The following AFAP1 variants were observed in gnomAD, a reference collection of about 807,000 sequenced individuals.
The protein encoded by AFAP1 is actin filament-associated protein 1.
AFAP1 carries 75 observed loss-of-function variants against 93.9 expected under a neutral mutation model. The ratio of observed to expected loss-of-function variants is 0.80; its 90% CI spans 0.66 to 0.97. AFAP1 has a LOEUF of 0.97. Ranked by LOEUF, AFAP1 falls within the 50% of genes least tolerant of loss-of-function variation. The probability of loss-of-function intolerance (pLI) is 0.00; values close to 1 mark genes in which losing one functional copy is unlikely to be tolerated. For synonymous variants in AFAP1, 517 were observed against 430.7 expected (o/e 1.20, Z -2.48); for missense variants, 1,201 against 1,050.8 (o/e 1.14, Z -1.98).
intron 5 of AFAP1, among the ~76,000 whole-genome samples, chr4:7,841,269 A>C (rs1370429015): frequency 6.6e-6 from 1 of 151,344 alleles, no homozygotes; most frequent in African/African-American, 2.4e-5. Context: ...GCCCCATCAC[A>C]GCTGCCCAGT....
At chr4:7,798,280 CTGGCTGGCTCACGGCATTGCAACCCTAT>C (rs1329831570) in intron 10 of AFAP1, among the ~76,000 whole-genome samples, 5 of 99,900 alleles carry the variant, frequency 5.0e-5, no homozygotes, top group South Asian at 4.1e-4. Context: ...TGCAACTCTA[CTGGCTGGCTCACGGCATTGCAACCCTAT>C]TGGCTGGCTC....
intron 1 of AFAP1, among the ~76,000 whole-genome samples, chr4:7,914,686 G>GT (rs1719973223): frequency 6.6e-6 from 1 of 152,122 alleles, no homozygotes; most frequent in Non-Finnish European, 1.5e-5. Flanking sequence ...TCACACTGTG[G>GT]TTTTATTTGT....
intron 17 of AFAP1, among the ~76,000 whole-genome samples, chr4:7,768,394 C>T (rs1425880497): frequency 1.3e-5 from 2 of 152,196 alleles, no homozygotes; most frequent in East Asian, 1.9e-4. Flanking sequence ...CCTCAGAGCC[C>T]GATTCATGCA....
intron 1 of AFAP1, among the ~76,000 whole-genome samples, chr4:7,881,574 G>C (rs1214391867): frequency 6.6e-6 from 1 of 152,152 alleles, no homozygotes; most frequent in Non-Finnish European, 1.5e-5. Flanking sequence ...CCTGAGGTCA[G>C]GAGTTCGAGA....
chr4:7,868,637 G>C lies in AFAP1; in HGVS notation c.210C>G (p.Ile70Met), dbSNP rs760927065. 1 of 1,612,356 alleles carries C rather than the reference G, an allele frequency of 6.2e-7. No individual in the cohort carries two copies. Among genetic ancestry groups the C allele is most frequent in the Non-Finnish European group, 8.5e-7 (1 of 1,179,824 alleles). Residue 70 changes from isoleucine to methionine, a missense_variant, in exon 3 of 18, where the codon ATC becomes ATG. Transcript: ENST00000420658. ...PAPPQMPLPE[I>M]PQPWLPPDSG... Reference sequence around the variant, plus strand: ...CTTGACTCACCAGCCAGGGCTGAGGGATCTCCGGCAGGGGCATCTGAGGAG... The same window carrying C: ...CTTGACTCACCAGCCAGGGCTGAGGCATCTCCGGCAGGGGCATCTGAGGAG...
intron 1 of AFAP1, among the ~76,000 whole-genome samples, chr4:7,923,195 G>T (rs1720530486): frequency 6.6e-6 from 1 of 152,144 alleles, no homozygotes; most frequent in African/African-American, 2.4e-5. Context: ...TTATATAAAG[G>T]AATGGACTAC....
chr4:7,883,185 CA>C (rs34238719), intron 1 of AFAP1, among the ~76,000 whole-genome samples: 494 of 49,976 alleles, frequency 9.9e-3, no homozygotes, highest in African/African-American at 0.017. Flanking sequence ...AACCCTATCT[CA>C]AAAAAAAAAA....
intron 3 of AFAP1, among the ~76,000 whole-genome samples, chr4:7,858,669 C>A (rs1715344420): frequency 6.6e-6 from 1 of 152,140 alleles, no homozygotes; most frequent in South Asian, 2.1e-4. Context: ...GAGAGTCTGG[C>A]AAAGGGAGGA....
In AFAP1 at chr4:7,759,430, G is replaced by C. The variant is rs1713459284; in HGVS notation, c.*4335C>G. The C allele has an allele frequency of 6.6e-6, 1 of 152,630 alleles. No homozygotes were observed. The highest frequency in any genetic ancestry group is 2.1e-4 in the South Asian group (1 of 4,830). 9.5% of individuals were successfully genotyped at this position (152,630 alleles called of 1,614,324 possible). ...TTTACAGACGCCCTGCTATGGCTTG[G>C]GGACTCACGAATAGAGGTGACTGCT... is the stretch of plus-strand genomic sequence containing the variant. On this transcript the variant is annotated 3_prime_UTR_variant, in exon 18 of 18. Coordinates refer to ENST00000420658, the MANE Select transcript of AFAP1 (RefSeq NM_001134647.2).
intron 10 of AFAP1, 91 bp downstream of exon 10, chr4:7,800,351 A>T: frequency 1.5e-6 from 2 of 1,360,500 alleles, no homozygotes; most frequent in Admixed American, 3.9e-5. Flanking sequence ...AGATGGGAGG[A>T]ATTTTGATAG....
intron 2 of AFAP1, among the ~76,000 whole-genome samples, chr4:7,870,583 G>A (rs561427691): frequency 7.9e-4 from 121 of 152,212 alleles, no homozygotes; most frequent in Non-Finnish European, 1.6e-3. Context: ...CCTGAGCCTG[G>A]GAGGTTAATA....
intron 13 of AFAP1, among the ~76,000 whole-genome samples, chr4:7,779,855 A>AG (rs1194397704): frequency 6.6e-6 from 1 of 152,258 alleles, no homozygotes; most frequent in Admixed American, 6.5e-5. Flanking sequence ...CATTAAAAAC[A>AG]GGTTCCCATT....
chr4:7,801,711 CAT>C (rs1162289332), intron 9 of AFAP1, among the ~76,000 whole-genome samples: 2 of 150,946 alleles, frequency 1.3e-5, no homozygotes, highest in Admixed American at 6.6e-5. Context: ...CACACACACA[CAT>C]ACCCCTGCCT....
chr4:7,763,446 A>C lies in AFAP1; in HGVS notation c.*319T>G. 1 of 317,746 alleles carries C rather than the reference A, an allele frequency of 3.1e-6. No individual in the cohort carries two copies. Among genetic ancestry groups the C allele is most frequent in the Non-Finnish European group, 5.8e-6 (1 of 172,762 alleles). The allele number at this position is 317,746 out of a possible 1,614,324, so 19.7% of individuals were successfully genotyped here. On this transcript the variant is annotated 3_prime_UTR_variant, in exon 18 of 18. Transcript: ENST00000420658. ...ATCCTCAGTCCAGGGCTGGGTTGGA[A>C]TCGGTGAAAGCAATGGCCTATCTGG...
intron 1 of AFAP1, among the ~76,000 whole-genome samples, chr4:7,903,615 G>T (rs1372097442): frequency 4.6e-5 from 7 of 152,330 alleles, no homozygotes; most frequent in Non-Finnish European, 1.0e-4. Flanking sequence ...GGAGGTAGAG[G>T]TTGCAGTGAG....
chr4:7,772,755 G>C (rs1056127130), intron 16 of AFAP1, 65 bp downstream of exon 16: 1 of 1,491,922 alleles, frequency 6.7e-7, no homozygotes, highest in Non-Finnish European at 9.1e-7. Context: ...ATTCTCTCTG[G>C]GTGCACTGGC....
At chr4:7,779,727 TG>T (rs1716556923) in intron 13 of AFAP1, among the ~76,000 whole-genome samples, 1 of 152,220 alleles carries the variant, frequency 6.6e-6, no homozygotes, top group South Asian at 2.1e-4. Context: ...AGCCGCCATT[TG>T]ATCATTTAAA....
intron 1 of AFAP1, among the ~76,000 whole-genome samples, chr4:7,891,184 ATCTGAC>A (rs145271637): frequency 0.019 from 2,877 of 152,366 alleles, 47 homozygotes; most frequent in South Asian, 0.068. Flanking sequence ...AAGGCATGCT[ATCTGAC>A]TCTGTTTTGG....
chr4:7,852,009 C>G (rs1490179073), intron 4 of AFAP1, among the ~76,000 whole-genome samples: 1 of 152,188 alleles, frequency 6.6e-6, no homozygotes, highest in Non-Finnish European at 1.5e-5. Flanking sequence ...TCAGGAAATT[C>G]ACTGATCTTG....
Sources: gnomAD v4.1 joint callset for allele counts (sites outside exome capture counted in the v4.1 genomes callset) on GRCh38, gnomAD v4.1.1 for gene constraint, MANE v1.5 for transcripts, NCBI Gene and HGNC (gene_info 2026-07-23, HGNC 2026-07-21) for gene names.